The following PABPC1 variants were observed in gnomAD, a reference collection of about 807,000 sequenced individuals.
PABPC1 encodes the protein poly(A) binding protein cytoplasmic 1.
In PABPC1, 4 loss-of-function variants were observed where a neutral mutation model predicts 74.0. The observed-to-expected ratio is 0.05, with a 90% CI of 0.03 to 0.12. The LOEUF is 0.12. Among genes scored for constraint, PABPC1 ranks in the 10% least tolerant of loss-of-function variants. The pLI is 1.00. For synonymous variants in PABPC1, 227 were observed against 264.1 expected (o/e 0.86, Z 1.36); for missense variants, 271 against 821.1 (o/e 0.33, Z 8.19).
Position 100,721,374 on chromosome 8 carries a change from C to G in PABPC1, c.193+17G>C. ...GGCCGCCCGCCCGCCCGGCCGACCG[C>G]GGAGCCCGGCGCTCACCGTCCGCCG... On this transcript the variant is annotated intron_variant, in intron 1 of 14. Coordinates refer to ENST00000318607, the MANE Select transcript of PABPC1 (RefSeq NM_002568.4). This position sits in a 1 kb window ranked among gnomAD's most constrained non-coding sequence, Gnocchi z 7.4. 1 of 1,447,326 alleles carries G rather than the reference C, an allele frequency of 6.9e-7. No individual in the cohort carries two copies. The highest frequency in any genetic ancestry group is 9.2e-7 in the Non-Finnish European group (1 of 1,089,008). The allele number at this position is 1,447,326 out of a possible 1,614,324, so 89.7% of individuals were successfully genotyped here.
At chr8:100,713,500 T>C (rs574506533) in intron 4 of PABPC1, among the ~76,000 whole-genome samples, 1 of 152,276 alleles carries the variant, frequency 6.6e-6, no homozygotes, top group South Asian at 2.1e-4. Context: ...TTTTTTCCCT[T>C]TTCTATAGAG....
chr8:100,716,441 GCA>G (rs1466762870), intron 3 of PABPC1, among the ~76,000 whole-genome samples: 1 of 152,064 alleles, frequency 6.6e-6, no homozygotes, highest in Non-Finnish European at 1.5e-5. Flanking sequence ...AAAAAAGGTA[GCA>G]CATGTGTCAT....
Position 100,721,366 on chromosome 8 carries a change from G to C in PABPC1, c.193+25C>G, listed in dbSNP as rs1444850489. The C allele has an allele frequency of 7.8e-6, 11 of 1,416,626 alleles. No individual in the cohort carries two copies. The East Asian group carries it at 3.1e-4, about 40-fold the overall frequency. The allele number at this position is 1,416,626 out of a possible 1,614,324, so 87.8% of individuals were successfully genotyped here. A position where few individuals can be genotyped will look rare whatever the true frequency, so the allele number is the denominator to read the frequency against. On this transcript the variant is annotated intron_variant, in intron 1 of 14. Transcript: ENST00000318607. The surrounding 1 kb of genome is among the most constrained non-coding windows in gnomAD (Gnocchi z 7.4). ...AGCCTCATGGCCGCCCGCCCGCCCG[G>C]CCGACCGCGGAGCCCGGCGCTCACC...
intron 3 of PABPC1, among the ~76,000 whole-genome samples, chr8:100,716,720 C>T (rs1693558): frequency 0.59 from 90,310 of 152,138 alleles, 29,426 homozygotes; most frequent in African/African-American, 0.89. Context: ...TCTTGCTATT[C>T]TGCCCTGGCT....
chr8:100,709,538 A>G lies in PABPC1; in HGVS notation c.1166T>C (p.Val389Ala). ...GATTACAGGGTTGGGAACAGCTCGT[A>G]CACTTGCCATTCTCTGCATATACTG... ...TNQYMQRMAS[V>A]RAVPNPVINP... is the part of the protein sequence containing the mutation. The change falls in exon 8 of 15, where the codon GTA becomes GCA. Residue 389 changes from valine (V) to alanine (A), a missense_variant. This residue lies in a region of PABPC1 where 103 missense variants were observed against 245.3 expected (regional missense o/e 0.42). Transcript: ENST00000318607. The G allele has an allele frequency of 6.2e-7, 1 of 1,614,236 alleles. No individual in the cohort carries two copies. The highest frequency in any genetic ancestry group is 8.5e-7 in the Non-Finnish European group (1 of 1,180,042).
Position 100,715,590 on chromosome 8 carries a change from C to A in PABPC1, c.515G>T (p.Arg172Leu). The change falls in exon 4 of 15, where the codon CGA becomes CTA. Residue 172 changes from arginine (R) to leucine (L), a missense_variant. Around this residue, in one of 7 missense-constraint regions of PABPC1, gnomAD observed 78 missense variants for 202.8 expected, o/e 0.38. Transcript: ENST00000318607. ...TTCTCGTTCTTTACGAGACTTAAATCGTCCAACAAATCTAATAAGATATAC... is the reference window on the plus strand; with the variant it reads ...TTCTCGTTCTTTACGAGACTTAAATAGTCCAACAAATCTAATAAGATATAC... The part of the protein sequence containing the change: ...LLNDRKVFVG[R>L]FKSRKEREAE... 6.2e-7 allele frequency: 1 copy of A among 1,608,292 alleles called. No individual in the cohort carries two copies. The highest frequency in any genetic ancestry group is 8.5e-7 in the Non-Finnish European group (1 of 1,176,108).
At position 100,712,768 on chromosome 8, in the gene PABPC1, T is replaced by C; in HGVS notation, c.760A>G (p.Lys254Glu). 6.2e-7 allele frequency: 1 copy of C among 1,607,666 alleles called. No homozygotes were observed. Among genetic ancestry groups the C allele is most frequent in the Non-Finnish European group, 8.5e-7 (1 of 1,178,664 alleles). Residue 254 changes from lysine to glutamate, a missense_variant, in exon 6 of 15, where the codon AAG becomes GAG. Transcript: ENST00000318607. ...AQKAVDEMNG[K>E]ELNGKQIYVG... is the part of the protein sequence containing the mutation. Reference sequence around the variant, plus strand: ...TAAATTTGTTTTCCATTGAGCTCCTTTCCGTTCATCTCATCCACAGCCTTC... The same window carrying C: ...TAAATTTGTTTTCCATTGAGCTCCTCTCCGTTCATCTCATCCACAGCCTTC...
intron 5 of PABPC1, 40 bp downstream of exon 5, chr8:100,713,047 C>G: frequency 7.1e-7 from 1 of 1,407,490 alleles, no homozygotes; most frequent in Non-Finnish European, 9.8e-7. Context: ...AGCAACTCAA[C>G]TTTGTACCCC....
rs753637297 is a variant in PABPC1 at position 100,706,936 on chromosome 8, C to T, written c.1398G>A (p.Met466Ile). Residue 466 changes from methionine (M) to isoleucine (I), a missense_variant, in exon 10 of 15, where the codon ATG becomes ATA. Physicochemically the swap from Met to Ile is conservative, Grantham distance 10. Coordinates refer to ENST00000318607, the MANE Select transcript of PABPC1 (RefSeq NM_002568.4). ...PAAPRPPFSTMRPASSQVPRV... is the reference protein window; with the variant it reads ...PAAPRPPFSTIRPASSQVPRV... ...GTGGAACCTGTGAAGAAGCTGGTCT[C>T]ATAGTACTAAATGGTGGTCTAGGAG... 6.8e-6 allele frequency: 11 copies of T among 1,614,034 alleles called. No homozygotes were observed. Among genetic ancestry groups the T allele is most frequent in the Non-Finnish European group, 5.9e-6 (7 of 1,179,998 alleles).
intron 1 of PABPC1, among the ~76,000 whole-genome samples, chr8:100,719,615 A>G (rs1176921693): frequency 1.3e-5 from 2 of 152,230 alleles, no homozygotes; most frequent in Non-Finnish European, 2.9e-5. Context: ...TAGTTAGGGT[A>G]CTGGTCTACT....
chr8:100,706,016 CTT>C (rs1050459876), intron 11 of PABPC1, among the ~76,000 whole-genome samples: 2 of 151,940 alleles, frequency 1.3e-5, no homozygotes, highest in African/African-American at 4.8e-5. Context: ...CCTGGCTAAT[CTT>C]TATATTTTTA....
At chr8:100,713,503 CTA>C (rs1284002356) in intron 4 of PABPC1, among the ~76,000 whole-genome samples, 2 of 152,110 alleles carry the variant, frequency 1.3e-5, no homozygotes, top group African/African-American at 4.8e-5. Flanking sequence ...TTTCCCTTTT[CTA>C]TAGAGACAGT....
At chr8:100,709,287 A>C in intron 8 of PABPC1, 64 bp from the exon 9 acceptor site, 1 of 1,503,434 alleles carries the variant, frequency 6.7e-7, no homozygotes, top group South Asian at 1.1e-5. Flanking sequence ...GCAATAAATT[A>C]TATGTACTTT....
chr8:100,704,483 GT>G, intron 13 of PABPC1, 93 bp from the exon 14 acceptor site: 1 of 1,055,414 alleles, frequency 9.5e-7, no homozygotes, highest in Non-Finnish European at 1.5e-6. Context: ...ACAAAGATAA[GT>G]TTCTTCCCTC....
intron 1 of PABPC1, among the ~76,000 whole-genome samples, chr8:100,720,915 C>G (rs1478066477): frequency 6.6e-6 from 1 of 152,176 alleles, no homozygotes; most frequent in African/African-American, 2.4e-5. Context: ...AGGCCTCGGG[C>G]CTGCGAGGTT....
At chr8:100,714,293 T>C (rs1810606555) in intron 4 of PABPC1, among the ~76,000 whole-genome samples, 1 of 152,244 alleles carries the variant, frequency 6.6e-6, no homozygotes, top group Admixed American at 6.5e-5. Flanking sequence ...AGTTGAAATA[T>C]ATAAAAGGCA....
intron 4 of PABPC1, among the ~76,000 whole-genome samples, chr8:100,713,689 T>C (rs1810588280): frequency 6.6e-6 from 1 of 152,184 alleles, no homozygotes; most frequent in Non-Finnish European, 1.5e-5. Context: ...GGTCTTGCTA[T>C]GTTGCCCGGG....
chr8:100,706,970 C>A lies in PABPC1; in HGVS notation c.1364G>T (p.Arg455Leu), dbSNP rs756598175. The stretch of plus-strand genomic sequence containing the variant: ...AAATGGTGGTCTAGGAGCAGCTGGG[C>A]GGATAGCACCGGGCATATTTTGGAA... ...HPFQNMPGAI[R>L]PAAPRPPFST... The change falls in exon 10 of 15, where the codon CGC (arginine) becomes CTC (leucine). Residue 455 changes from arginine to leucine, a missense_variant. Physicochemically the swap from Arg to Leu is moderately radical, Grantham distance 102. This residue lies in a region of PABPC1 where 103 missense variants were observed against 245.3 expected (regional missense o/e 0.42). Transcript: ENST00000318607. 6.2e-7 allele frequency: 1 copy of A among 1,613,850 alleles called. No homozygotes were observed. The highest frequency in any genetic ancestry group is 8.5e-7 in the Non-Finnish European group (1 of 1,179,848).
rs1563613351 is a variant in PABPC1 at position 100,712,905 on chromosome 8, C to T, written c.739-116G>A. On this transcript the variant is annotated intron_variant, in intron 5 of 14. Transcript: ENST00000318607. ...ACAAAAGCTAAAGACAAACCCATCC[C>T]AAAATCTCAAGGTTTTGGGACAATA... is the stretch of plus-strand genomic sequence containing the variant. 5 of 1,289,126 alleles carry T rather than the reference C, an allele frequency of 3.9e-6. No homozygotes were observed. In the East Asian group the frequency reaches 7.6e-5, roughly 20 times the overall value. The allele number at this position is 1,289,126 out of a possible 1,614,324, so 79.9% of individuals were successfully genotyped here.
Sources: gnomAD v4.1 joint callset for allele counts (sites outside exome capture counted in the v4.1 genomes callset) on GRCh38, gnomAD v4.1.1 for gene constraint, gnomAD v4.1.1 regional missense constraint, Gnocchi (gnomAD v3.1) non-coding constraint, MANE v1.5 for transcripts, NCBI Gene and HGNC (gene_info 2026-07-23, HGNC 2026-07-21) for gene names.